CNTNAP2: variants seen among roughly 807,000 people sequenced by gnomAD.
CNTNAP2 encodes contactin associated protein 2, also known as contactin-associated protein-like 2.
In CNTNAP2, 98 loss-of-function variants were observed where a neutral mutation model predicts 155.2. The ratio of observed to expected loss-of-function variants is 0.63; its 90% CI spans 0.54 to 0.75. The LOEUF (loss-of-function observed/expected upper bound fraction) is 0.75. Among genes scored for constraint, CNTNAP2 ranks in the 30% least tolerant of loss-of-function variants. CNTNAP2 has a pLI of 0.00. For missense variants in CNTNAP2, 1,727 were observed against 1,688.1 expected, an observed-to-expected ratio of 1.02 and a Z score of -0.40; for synonymous variants, 651 against 631.2, an observed-to-expected ratio of 1.03 and a Z score of -0.47.
chr7:146,172,349 G>T (rs1798407210), intron 1 of CNTNAP2, among the ~76,000 whole-genome samples: 1 of 151,910 alleles, frequency 6.6e-6, no homozygotes. Context: ...ATATCCTACT[G>T]TGTACATGAC....
At chr7:147,479,187 T>A (rs1798376593) in intron 10 of CNTNAP2, among the ~76,000 whole-genome samples, 1 of 152,250 alleles carries the variant, frequency 6.6e-6, no homozygotes, top group African/African-American at 2.4e-5. Context: ...CCTTCCAGGC[T>A]ACTCAAGTCT....
intron 18 of CNTNAP2, among the ~76,000 whole-genome samples, chr7:148,198,389 C>T (rs1282142956): frequency 2.0e-5 from 3 of 152,172 alleles, no homozygotes; most frequent in African/African-American, 7.2e-5. Context: ...TTTAACTCAT[C>T]GAGTATCTAA....
intron 1 of CNTNAP2, among the ~76,000 whole-genome samples, chr7:146,455,760 C>T (rs1290197527): frequency 6.6e-6 from 1 of 152,114 alleles, no homozygotes; most frequent in Non-Finnish European, 1.5e-5. Context: ...TAGGTAGCTG[C>T]ATATTTTAAT....
At chr7:146,235,328 T>C (rs1444565595) in intron 1 of CNTNAP2, among the ~76,000 whole-genome samples, 1 of 151,812 alleles carries the variant, frequency 6.6e-6, no homozygotes, top group East Asian at 1.9e-4. Context: ...TGAAAATAGA[T>C]GCAAGACAGA....
At position 147,634,156 on chromosome 7, in the gene CNTNAP2, C is replaced by T. The variant is rs114281680; in HGVS notation, c.1898-4950C>T. 4.8e-3 allele frequency among the ~76,000 whole-genome samples: 729 copies of T among 152,276 alleles called. 4 individuals are homozygous for T. Among genetic ancestry groups the T allele is most frequent in the African/African-American group, 0.016 (664 of 41,556 alleles). ...TATATGAAAAAGATACTTGCACACACATTTTTACAGCAACAGTATTTGCAA... is the reference window on the plus strand; with the variant it reads ...TATATGAAAAAGATACTTGCACACATATTTTTACAGCAACAGTATTTGCAA... On this transcript the variant is annotated intron_variant, in intron 12 of 23. Transcript: ENST00000361727.
intron 1 of CNTNAP2, among the ~76,000 whole-genome samples, chr7:146,653,017 A>G (rs1377126273): frequency 6.6e-6 from 1 of 152,162 alleles, no homozygotes; most frequent in African/African-American, 2.4e-5. Context: ...TTTAAATACA[A>G]TGTAACTTGC....
At chr7:146,653,904 T>G (rs1443027403) in intron 1 of CNTNAP2, among the ~76,000 whole-genome samples, 1 of 152,126 alleles carries the variant, frequency 6.6e-6, no homozygotes, top group South Asian at 2.1e-4. Context: ...GTGGCAGAAG[T>G]AGAAATCATT....
chr7:147,193,896 T>C (rs1802729713), intron 8 of CNTNAP2, among the ~76,000 whole-genome samples: 1 of 151,796 alleles, frequency 6.6e-6, no homozygotes, highest in Non-Finnish European at 1.5e-5. Context: ...ATGACAATAC[T>C]GTGGAAAGTG....
intron 13 of CNTNAP2, among the ~76,000 whole-genome samples, chr7:147,827,453 CA>C (rs546437998): frequency 6.6e-6 from 1 of 151,706 alleles, no homozygotes; most frequent in African/African-American, 2.4e-5. Flanking sequence ...TAGCACATAA[CA>C]AAAAAAATTG....
At chr7:148,112,464 AG>A in intron 15 of CNTNAP2, among the ~76,000 whole-genome samples, 2 of 151,026 alleles carry the variant, frequency 1.3e-5, no homozygotes, top group Middle Eastern at 6.9e-3. Flanking sequence ...ACTGTTGCCC[AG>A]GTTGAAATGC....
At chr7:146,859,040 G>T (rs956617611) in intron 3 of CNTNAP2, among the ~76,000 whole-genome samples, 1 of 152,116 alleles carries the variant, frequency 6.6e-6, no homozygotes, top group Non-Finnish European at 1.5e-5. Context: ...ACTATATGTT[G>T]ACTCAGGTCC....
chr7:147,839,358 G>T (rs1798687336), intron 13 of CNTNAP2, among the ~76,000 whole-genome samples: 1 of 152,114 alleles, frequency 6.6e-6, no homozygotes, highest in Non-Finnish European at 1.5e-5. Flanking sequence ...AGATTCCAAA[G>T]ATTGTATTTT....
chr7:147,229,918 A>T (rs1055109953), intron 8 of CNTNAP2, among the ~76,000 whole-genome samples: 1 of 152,216 alleles, frequency 6.6e-6, no homozygotes, highest in Non-Finnish European at 1.5e-5. Flanking sequence ...CATCTTTCTA[A>T]ATATTAAATA....
intron 1 of CNTNAP2, among the ~76,000 whole-genome samples, chr7:146,650,272 A>G (rs1216643168): frequency 6.6e-6 from 1 of 152,160 alleles, no homozygotes; most frequent in Non-Finnish European, 1.5e-5. Flanking sequence ...ACTATTCACA[A>G]TAGCAAAGAC....
At chr7:146,418,515 A>C (rs1795967860) in intron 1 of CNTNAP2, among the ~76,000 whole-genome samples, 1 of 152,184 alleles carries the variant, frequency 6.6e-6, no homozygotes, top group South Asian at 2.1e-4. Context: ...TTTTCTAAAT[A>C]GTTTTTAAAA....
intron 1 of CNTNAP2, among the ~76,000 whole-genome samples, chr7:146,130,126 T>C (rs1797693074): frequency 6.6e-6 from 1 of 152,190 alleles, no homozygotes; most frequent in Non-Finnish European, 1.5e-5. Context: ...CCCGCTTAAT[T>C]GTCTATCAGC....
At chr7:147,980,206 T>C (rs1476351171) in intron 15 of CNTNAP2, among the ~76,000 whole-genome samples, 2 of 152,112 alleles carry the variant, frequency 1.3e-5, no homozygotes, top group African/African-American at 4.8e-5. Flanking sequence ...TAATATAAAA[T>C]TATTGCAACT....
At chr7:147,035,981 G>A (rs942001958) in intron 3 of CNTNAP2, among the ~76,000 whole-genome samples, 2 of 152,104 alleles carry the variant, frequency 1.3e-5, no homozygotes, top group East Asian at 3.8e-4. Context: ...CTTTTCCAAA[G>A]TTTACTGGTT....
chr7:146,336,021 G>C (rs2129095733), intron 1 of CNTNAP2, among the ~76,000 whole-genome samples: 1 of 152,104 alleles, frequency 6.6e-6, no homozygotes, highest in African/African-American at 2.4e-5. Context: ...CCAACATGGA[G>C]AAACCCTGTC....
Sources: gnomAD v4.1 joint callset for allele counts (sites outside exome capture counted in the v4.1 genomes callset) on GRCh38, gnomAD v4.1.1 for gene constraint, MANE v1.5 for transcripts, NCBI Gene and HGNC (gene_info 2026-07-23, HGNC 2026-07-21) for gene names.